MACROD2: variants seen among roughly 807,000 people sequenced by gnomAD.
MACROD2 encodes the protein mono-ADP ribosylhydrolase 2.
In MACROD2, 36 loss-of-function variants were observed where a neutral mutation model predicts 70.4. The ratio of observed to expected loss-of-function variants is 0.51; its 90% CI spans 0.39 to 0.68. The LOEUF (loss-of-function observed/expected upper bound fraction) is 0.68. MACROD2 is among the 30% of genes least tolerant of loss of function. The pLI is 0.00. For missense variants in MACROD2, 496 were observed against 538.4 expected (o/e 0.92, Z 0.78); for synonymous variants, 172 against 178.8 (o/e 0.96, Z 0.30).
intron 8 of MACROD2, among the ~76,000 whole-genome samples, chr20:15,586,588 G>C (rs942241828): frequency 6.6e-6 from 1 of 152,096 alleles, no homozygotes; most frequent in Non-Finnish European, 1.5e-5. Context: ...GAAAACACTG[G>C]AACATTTCCA....
intron 8 of MACROD2, among the ~76,000 whole-genome samples, chr20:15,809,773 A>G (rs1014010659): frequency 9.9e-5 from 15 of 151,562 alleles, no homozygotes; most frequent in Non-Finnish European, 2.1e-4. Flanking sequence ...TTTGCCTGGA[A>G]CTCTCTCTTA....
chr20:14,659,811 T>G (rs140587454), intron 4 of MACROD2, among the ~76,000 whole-genome samples: 2 of 152,316 alleles, frequency 1.3e-5, no homozygotes, highest in East Asian at 3.9e-4. Context: ...AATATATGCT[T>G]TCACAATTTC....
intron 5 of MACROD2, among the ~76,000 whole-genome samples, chr20:15,097,602 A>G (rs935378878): frequency 6.6e-6 from 1 of 152,196 alleles, no homozygotes; most frequent in Non-Finnish European, 1.5e-5. Flanking sequence ...ATACAATTCA[A>G]TGGAGAAATA....
intron 5 of MACROD2, among the ~76,000 whole-genome samples, chr20:14,799,956 G>A (rs960905142): frequency 2.0e-5 from 3 of 152,016 alleles, no homozygotes; most frequent in South Asian, 2.1e-4. Flanking sequence ...TTTTAAAAAT[G>A]GTGACTTCTT....
intron 3 of MACROD2, among the ~76,000 whole-genome samples, chr20:14,147,176 A>C (rs184204114): frequency 6.6e-6 from 1 of 152,184 alleles, no homozygotes; most frequent in Non-Finnish European, 1.5e-5. Context: ...AATGCTGTAG[A>C]TATTGCTTCT....
chr20:14,713,466 T>C (rs909465505), intron 5 of MACROD2, among the ~76,000 whole-genome samples: 1 of 151,916 alleles, frequency 6.6e-6, no homozygotes, highest in African/African-American at 2.4e-5. Context: ...CTGGAGATTC[T>C]GGTTCAAAAT....
intron 9 of MACROD2, among the ~76,000 whole-genome samples, chr20:15,869,738 T>G (rs2064553862): frequency 6.6e-6 from 1 of 152,100 alleles, no homozygotes; most frequent in African/African-American, 2.4e-5. Context: ...ATATATAACA[T>G]AAAAGCATAT....
At chr20:14,976,541 C>A (rs2074741261) in intron 5 of MACROD2, among the ~76,000 whole-genome samples, 1 of 152,156 alleles carries the variant, frequency 6.6e-6, no homozygotes, top group South Asian at 2.1e-4. Flanking sequence ...AGGTCTTTAG[C>A]TTAACCCAAT....
At chr20:15,231,326 A>G (rs899295335) in intron 6 of MACROD2, among the ~76,000 whole-genome samples, 2 of 152,086 alleles carry the variant, frequency 1.3e-5, no homozygotes, top group African/African-American at 4.8e-5. Context: ...GGAGCAAAGT[A>G]TACCACAAGA....
At chr20:15,407,251 A>G (rs2046015348) in intron 6 of MACROD2, among the ~76,000 whole-genome samples, 1 of 152,148 alleles carries the variant, frequency 6.6e-6, no homozygotes, top group African/African-American at 2.4e-5. Flanking sequence ...AGAAATGCAG[A>G]GTTAGCCAGC....
At chr20:14,889,088 C>A (rs2073718104) in intron 5 of MACROD2, among the ~76,000 whole-genome samples, 1 of 152,074 alleles carries the variant, frequency 6.6e-6, no homozygotes, top group African/African-American at 2.4e-5. Flanking sequence ...CCATATACAG[C>A]AGTATGAATA....
At chr20:15,391,519 C>T (rs973741694) in intron 6 of MACROD2, among the ~76,000 whole-genome samples, 4 of 152,134 alleles carry the variant, frequency 2.6e-5, no homozygotes, top group East Asian at 1.9e-4. Flanking sequence ...CGGCCACAGC[C>T]GTAAGTCTCA....
intron 5 of MACROD2, among the ~76,000 whole-genome samples, chr20:14,703,382 G>C (rs147437869): frequency 2.1e-4 from 32 of 152,130 alleles, no homozygotes; most frequent in Non-Finnish European, 3.5e-4. Context: ...CTATAATTAT[G>C]AGATAATAAT....
At chr20:14,249,640 A>G (rs2081994636) in intron 3 of MACROD2, among the ~76,000 whole-genome samples, 1 of 152,190 alleles carries the variant, frequency 6.6e-6, no homozygotes, top group Admixed American at 6.5e-5. Flanking sequence ...TCTGCCATCA[A>G]GATCCTGACT....
chr20:15,002,104 ACTT>A (rs1295624978), intron 5 of MACROD2, among the ~76,000 whole-genome samples: 9 of 152,132 alleles, frequency 5.9e-5, no homozygotes, highest in Admixed American at 5.2e-4. Flanking sequence ...TCATATAATG[ACTT>A]CTTGTCCTCT....
At chr20:14,020,821 C>G (rs970597068) in intron 2 of MACROD2, among the ~76,000 whole-genome samples, 1 of 152,062 alleles carries the variant, frequency 6.6e-6, no homozygotes, top group African/African-American at 2.4e-5. Flanking sequence ...CAGGAGTTCT[C>G]CCAGTTTTTG....
chr20:14,061,778 C>A (rs901387670), intron 2 of MACROD2, among the ~76,000 whole-genome samples: 4 of 152,128 alleles, frequency 2.6e-5, no homozygotes, highest in Non-Finnish European at 5.9e-5. Context: ...CGTGAAGACA[C>A]ACTGAGTCAG....
intron 6 of MACROD2, among the ~76,000 whole-genome samples, chr20:15,370,081 G>C (rs1005520362): frequency 2.0e-5 from 3 of 152,096 alleles, no homozygotes; most frequent in African/African-American, 4.8e-5. Context: ...AATGAACTTA[G>C]ATGACTGACT....
chr20:14,324,265 G>A (rs771308000), intron 3 of MACROD2: 6 of 144,446 alleles, frequency 4.2e-5, no homozygotes, highest in Non-Finnish European at 7.6e-5. Flanking sequence ...GCCAAAGGGC[G>A]TACAATGCAC....
Sources: gnomAD v4.1 joint callset for allele counts (sites outside exome capture counted in the v4.1 genomes callset) on GRCh38, gnomAD v4.1.1 for gene constraint, MANE v1.5 for transcripts, NCBI Gene and HGNC (gene_info 2026-07-23, HGNC 2026-07-21) for gene names.